The following CNTN5 variants were observed in gnomAD, a reference collection of about 807,000 sequenced individuals.
The protein encoded by CNTN5 is contactin-5.
CNTN5 carries 77 observed loss-of-function variants against 129.1 expected under a neutral mutation model. The ratio of observed to expected loss-of-function variants is 0.60; its 90% confidence interval spans 0.50 to 0.72. The LOEUF (loss-of-function observed/expected upper bound fraction) is 0.72, where lower values mean the gene tolerates loss of function less well. Among genes scored for constraint, CNTN5 ranks in the 30% least tolerant of loss-of-function variants. The pLI, the probability that CNTN5 is intolerant of heterozygous loss-of-function variation, is 0.00. For missense variants in CNTN5, 1,478 were observed against 1,328.8 expected (o/e 1.11, Z -1.75); for synonymous variants, 509 against 465.6 (o/e 1.09, Z -1.20).
intron 2 of CNTN5, among the ~76,000 whole-genome samples, chr11:99,524,172 T>C (rs938073423): frequency 1.3e-5 from 2 of 152,164 alleles, no homozygotes; most frequent in Non-Finnish European, 2.9e-5. Context: ...CAGAAAATGG[T>C]CAATCACAGT....
rs35059394 is a variant in CNTN5, at chr11:99,507,375, C to CAAA, written c.-70-48752_-70-48750dup. 1.2e-3 allele frequency among the ~76,000 whole-genome samples: 102 copies of CAAA among 87,062 alleles called. 2 individuals carry two copies. Among genetic ancestry groups the CAAA allele is most frequent in the African/African-American group, 3.7e-3 (79 of 21,236 alleles). The allele number at this position is 87,062 out of a possible 152,430, so 57.1% of individuals were successfully genotyped here. Reference sequence around the variant, plus strand: ...CTGGCAACAAAAGGAGACTCTGTCTCAAAAAAAAAAAAAAAAAAAAGAAAG... The same window carrying CAAA: ...CTGGCAACAAAAGGAGACTCTGTCTCAAAAAAAAAAAAAAAAAAAAAAAGAAAG... On this transcript the variant is annotated intron_variant, in intron 2 of 24. Transcript: ENST00000524871.
At chr11:99,972,182 A>T (rs1336068391) in intron 8 of CNTN5, among the ~76,000 whole-genome samples, 1 of 151,360 alleles carries the variant, frequency 6.6e-6, no homozygotes, top group Non-Finnish European at 1.5e-5. Flanking sequence ...AATGGCGTGA[A>T]CCCGGGAGGC....
intron 8 of CNTN5, among the ~76,000 whole-genome samples, chr11:99,984,307 G>T (rs964137723): frequency 1.3e-5 from 2 of 150,296 alleles, no homozygotes; most frequent in South Asian, 4.2e-4. Context: ...ATGGGAAAGA[G>T]AGAAAGGGAA....
intron 3 of CNTN5, among the ~76,000 whole-genome samples, chr11:99,733,747 A>G (rs1943611374): frequency 6.6e-6 from 1 of 152,238 alleles, no homozygotes; most frequent in Non-Finnish European, 1.5e-5. Flanking sequence ...ACAGTCGCCA[A>G]TTAAGTGCTT....
At chr11:99,948,073 T>G (rs916396565) in intron 7 of CNTN5, among the ~76,000 whole-genome samples, 1 of 152,222 alleles carries the variant, frequency 6.6e-6, no homozygotes, top group Non-Finnish European at 1.5e-5. Context: ...TAATTTTCCT[T>G]CATTTGGAAT....
chr11:99,618,006 T>C (rs142822638), intron 3 of CNTN5, among the ~76,000 whole-genome samples: 77 of 152,272 alleles, frequency 5.1e-4, no homozygotes, highest in African/African-American at 1.7e-3. Flanking sequence ...CTCATAGAAC[T>C]TTAATGAAGG....
At chr11:100,272,069 T>C (rs1406194975) in intron 18 of CNTN5, among the ~76,000 whole-genome samples, 2 of 152,008 alleles carry the variant, frequency 1.3e-5, no homozygotes, top group Non-Finnish European at 2.9e-5. Flanking sequence ...ATGAAAACAA[T>C]AGAAAGAGGA....
intron 4 of CNTN5, 109 bp from the exon 5 acceptor site, chr11:99,844,743 T>C (rs997192635): frequency 8.6e-6 from 9 of 1,045,124 alleles, no homozygotes; most frequent in Admixed American, 2.6e-5. Flanking sequence ...ACCTGTTGAT[T>C]ACAAGAAAAG....
At chr11:99,805,098 A>G (rs1238896873) in intron 3 of CNTN5, among the ~76,000 whole-genome samples, 1 of 152,148 alleles carries the variant, frequency 6.6e-6, no homozygotes, top group Non-Finnish European at 1.5e-5. Context: ...TCAGAAGAAA[A>G]TTGTGCTTTG....
At chr11:99,209,831 T>C (rs542673012) in intron 1 of CNTN5, among the ~76,000 whole-genome samples, 1 of 152,148 alleles carries the variant, frequency 6.6e-6, no homozygotes, top group Admixed American at 6.5e-5. Context: ...AACTTCGGAC[T>C]TAGTGCTTCC....
intron 13 of CNTN5, among the ~76,000 whole-genome samples, chr11:100,122,321 T>TGA (rs1591281446): frequency 6.6e-6 from 1 of 151,836 alleles, no homozygotes; most frequent in African/African-American, 2.4e-5. Flanking sequence ...GCAGAGAGAT[T>TGA]GAGAGAGAGA....
At chr11:99,212,425 C>T (rs1014222409) in intron 1 of CNTN5, among the ~76,000 whole-genome samples, 1 of 152,046 alleles carries the variant, frequency 6.6e-6, no homozygotes, top group Non-Finnish European at 1.5e-5. Context: ...TGACTATTTC[C>T]ACTATCGATA....
chr11:99,649,809 C>G (rs181274062), intron 3 of CNTN5, among the ~76,000 whole-genome samples: 213 of 151,814 alleles, frequency 1.4e-3, no homozygotes, highest in Non-Finnish European at 1.7e-3. Context: ...TCATTTGGCT[C>G]TGTTTACTCA....
chr11:100,260,494 A>G (rs964829440), intron 17 of CNTN5, among the ~76,000 whole-genome samples: 3 of 152,202 alleles, frequency 2.0e-5, no homozygotes, highest in African/African-American at 7.2e-5. Context: ...CACAACAAAA[A>G]AAGAAAATTT....
At chr11:100,280,512 G>T (rs1721342369) in intron 18 of CNTN5, among the ~76,000 whole-genome samples, 1 of 151,652 alleles carries the variant, frequency 6.6e-6, no homozygotes, top group African/African-American at 2.4e-5. Context: ...CTGCTCTTTT[G>T]TGATTTCCAC....
At chr11:99,957,452 C>A (rs1239886934) in intron 8 of CNTN5, among the ~76,000 whole-genome samples, 1 of 152,110 alleles carries the variant, frequency 6.6e-6, no homozygotes, top group East Asian at 1.9e-4. Flanking sequence ...GTGATTATTA[C>A]TTTTCCAATA....
At chr11:99,371,036 C>G (rs935353257) in intron 2 of CNTN5, among the ~76,000 whole-genome samples, 1 of 152,114 alleles carries the variant, frequency 6.6e-6, no homozygotes, top group African/African-American at 2.4e-5. Flanking sequence ...GTAATTGGCT[C>G]TGCAGCCTCT....
At chr11:99,823,811 G>T (rs1565573188) in intron 4 of CNTN5, among the ~76,000 whole-genome samples, 1 of 151,872 alleles carries the variant, frequency 6.6e-6, no homozygotes, top group Non-Finnish European at 1.5e-5. Context: ...ACTCTTAGAG[G>T]AATTACTATA....
At chr11:99,411,795 G>A (rs1038512258) in intron 2 of CNTN5, among the ~76,000 whole-genome samples, 1 of 152,096 alleles carries the variant, frequency 6.6e-6, no homozygotes, top group Non-Finnish European at 1.5e-5. Flanking sequence ...TCTAAACTTA[G>A]CACTAAAGTC....
Sources: allele counts gnomAD v4.1 joint callset (sites outside exome capture counted in the v4.1 genomes callset), GRCh38; gene constraint gnomAD v4.1.1; transcripts MANE v1.5; gene names NCBI Gene and HGNC (gene_info 2026-07-23, HGNC 2026-07-21).